PYGO1: variants seen among roughly 807,000 people sequenced by gnomAD.
PYGO1 encodes pygopus homolog 1.
A neutral mutation model predicts 29.5 loss-of-function variants in PYGO1; 6 were observed. That is an observed-to-expected ratio of 0.20 (90% confidence interval 0.11 to 0.40). The LOEUF is 0.40. Among genes scored for constraint, PYGO1 ranks in the 10% least tolerant of loss-of-function variants. The pLI is 1.00. For missense variants in PYGO1, 515 were observed against 514.9 expected (o/e 1.00, Z 0.00); for synonymous variants, 186 against 180.5 (o/e 1.03, Z -0.24).
At position 55,587,906 on chromosome 15, in the gene PYGO1, C is replaced by A; in HGVS notation, c.-23G>T. On this transcript the variant is annotated 5_prime_UTR_variant, in exon 1 of 3. Coordinates refer to ENST00000563719, the MANE Select transcript of PYGO1 (RefSeq NM_001367806.1). ...CATTACAGACCGCAAAGCATGACTC[C>A]CCCCCAGGCCGCGGGAATTCGGTCT... is the stretch of plus-strand genomic sequence containing the variant. 1.4e-6 allele frequency: 2 copies of A among 1,465,250 alleles called. No homozygotes were observed. Among genetic ancestry groups the A allele is most frequent in the Non-Finnish European group, 1.8e-6 (2 of 1,106,968 alleles). 90.8% of individuals were successfully genotyped at this position (1,465,250 alleles called of 1,614,324 possible).
chr15:55,575,732 T>C (rs1641149133), intron 1 of PYGO1, among the ~76,000 whole-genome samples: 1 of 152,212 alleles, frequency 6.6e-6, no homozygotes, highest in Non-Finnish European at 1.5e-5. Context: ...TTCCAACACT[T>C]GCAGAAACAG....
At chr15:55,567,478 A>G (rs1448923412) in intron 1 of PYGO1, among the ~76,000 whole-genome samples, 2 of 151,954 alleles carry the variant, frequency 1.3e-5, no homozygotes, top group East Asian at 1.9e-4. Flanking sequence ...GGCTTGTTCA[A>G]TGGTTTAAAT....
At position 55,542,931 on chromosome 15, in the gene PYGO1, C is replaced by T. The variant is rs11633460; in HGVS notation, c.*3092G>A. On this transcript the variant is annotated 3_prime_UTR_variant, in exon 3 of 3. Transcript: ENST00000563719. Reference sequence around the variant, plus strand: ...GCAACAGAGCAAGACTGGCAAAAAACAAAAACAAAACAAAACAAAACAAAA... The same window carrying T: ...GCAACAGAGCAAGACTGGCAAAAAATAAAAACAAAACAAAACAAAACAAAA... The T allele has an allele frequency of 7.0e-6, 1 of 142,486 alleles. No homozygotes were observed. Among genetic ancestry groups the T allele is most frequent in the Middle Eastern group, 3.4e-3 (1 of 290 alleles). 8.8% of individuals were successfully genotyped at this position (142,486 alleles called of 1,614,324 possible). A position where few individuals can be genotyped will look rare whatever the true frequency, so the allele number is the denominator to read the frequency against.
intron 2 of PYGO1, among the ~76,000 whole-genome samples, chr15:55,547,473 C>A (rs971747413): frequency 5.9e-5 from 9 of 152,118 alleles, no homozygotes; most frequent in African/African-American, 2.2e-4. Context: ...AATATGCTTA[C>A]CTATAACTCT....
At position 55,550,348 on chromosome 15, in the gene PYGO1, T is replaced by C. The variant is rs181245040; in HGVS notation, c.50-1353A>G. Among the ~76,000 whole-genome samples the C allele has an allele frequency of 1.4e-3, 214 of 152,316 alleles. 2 individuals carry two copies. Among genetic ancestry groups the C allele is most frequent in the African/African-American group, 5.1e-3 (212 of 41,572 alleles). On this transcript the variant is annotated intron_variant, in intron 1 of 2. Transcript: ENST00000563719. ...TGCTAGGGTCTTCCAACGGGAGCTC[T>C]AGAGGGATACTTGAAGGCCAGGGGA... is the stretch of plus-strand genomic sequence containing the variant.
At chr15:55,578,768 G>A (rs1595994304) in intron 1 of PYGO1, among the ~76,000 whole-genome samples, 2 of 152,252 alleles carry the variant, frequency 1.3e-5, no homozygotes, top group South Asian at 4.2e-4. Context: ...TACAAGATTT[G>A]CAAACATTTT....
intron 1 of PYGO1, among the ~76,000 whole-genome samples, chr15:55,576,769 G>GAAAAAAAAAAAA (rs1228963396): frequency 1.1e-5 from 1 of 90,958 alleles, no homozygotes; most frequent in Non-Finnish European, 1.9e-5. Context: ...TCAAAAAAAA[G>GAAAAAAAAAAAA]AAGTGGGGGA....
intron 1 of PYGO1, among the ~76,000 whole-genome samples, chr15:55,578,304 T>C (rs980168791): frequency 1.3e-5 from 2 of 152,186 alleles, no homozygotes; most frequent in Non-Finnish European, 2.9e-5. Flanking sequence ...CTTCTATAAA[T>C]ATTCTTGTAC....
chr15:55,574,318 C>T (rs62021870), intron 1 of PYGO1, among the ~76,000 whole-genome samples: 8,284 of 152,260 alleles, frequency 0.054, 279 homozygotes, highest in Middle Eastern at 0.068. Flanking sequence ...GTACAGTAAG[C>T]ACAGTTAATT....
At chr15:55,560,154 A>G (rs1370694021) in intron 1 of PYGO1, among the ~76,000 whole-genome samples, 1 of 152,178 alleles carries the variant, frequency 6.6e-6, no homozygotes, top group African/African-American at 2.4e-5. Context: ...CACCACTCCT[A>G]TTAAATATAG....
At position 55,546,768 on chromosome 15, in the gene PYGO1, G is replaced by A. The variant is rs751360146; in HGVS notation, c.515C>T (p.Pro172Leu). 30 of 1,614,052 alleles carry A rather than the reference G, an allele frequency of 1.9e-5. No individual in the cohort carries two copies. Among genetic ancestry groups the A allele is most frequent in the Non-Finnish European group, 2.5e-5 (30 of 1,179,964 alleles). The change falls in exon 3 of 3, where the codon CCT becomes CTT. Residue 172 changes from proline to leucine, a missense_variant. By Grantham distance (98) the Pro-to-Leu change is moderately conservative (BLOSUM62 -3). Coordinates refer to ENST00000563719, the MANE Select transcript of PYGO1 (RefSeq NM_001367806.1). Reference sequence around the variant, plus strand: ...AGGATTTTGTCTAAAATGTTGATTAGGCATGTTGACATTCTGACTTAGTGC... The same window carrying A: ...AGGATTTTGTCTAAAATGTTGATTAAGCATGTTGACATTCTGACTTAGTGC... ...NNALSQNVNM[P>L]NQHFRQNPAE...
At chr15:55,587,766 C>A in intron 1 of PYGO1, 69 bp downstream of exon 1, 2 of 1,442,998 alleles carry the variant, frequency 1.4e-6, no homozygotes. Flanking sequence ...GGCCTCCCGG[C>A]GGCCGGGCAC....
At chr15:55,583,727 C>A (rs1049129045) in intron 1 of PYGO1, among the ~76,000 whole-genome samples, 1 of 152,090 alleles carries the variant, frequency 6.6e-6, no homozygotes, top group Non-Finnish European at 1.5e-5. Flanking sequence ...AGGCTGGTGT[C>A]AAACTCCTGC....
intron 1 of PYGO1, among the ~76,000 whole-genome samples, chr15:55,572,997 G>T (rs9806640): frequency 6.9e-6 from 1 of 143,996 alleles, no homozygotes; most frequent in Non-Finnish European, 1.5e-5. Context: ...AACACAGTGA[G>T]ACTCTGTCTT....
chr15:55,555,173 C>G (rs1163211167), intron 1 of PYGO1, among the ~76,000 whole-genome samples: 1 of 152,022 alleles, frequency 6.6e-6, no homozygotes, highest in Non-Finnish European at 1.5e-5. Flanking sequence ...CAGCAGAAAC[C>G]CTACATGCCA....
chr15:55,567,040 G>A (rs1325657845), intron 1 of PYGO1, among the ~76,000 whole-genome samples: 1 of 151,256 alleles, frequency 6.6e-6, no homozygotes, highest in African/African-American at 2.4e-5. Flanking sequence ...GCCATTTTTT[G>A]ACTTTTTAAA....
intron 1 of PYGO1, among the ~76,000 whole-genome samples, chr15:55,569,097 T>C (rs993121192): frequency 6.6e-6 from 1 of 152,054 alleles, no homozygotes; most frequent in African/African-American, 2.4e-5. Flanking sequence ...ATTGGGATGA[T>C]GGGACTCATT....
chr15:55,583,714 C>T (rs1243253018), intron 1 of PYGO1, among the ~76,000 whole-genome samples: 1 of 152,086 alleles, frequency 6.6e-6, no homozygotes, highest in African/African-American at 2.4e-5. Context: ...CCATATGTTG[C>T]CCAGGCTGGT....
chr15:55,570,835 T>C (rs2141668266), intron 1 of PYGO1, among the ~76,000 whole-genome samples: 1 of 152,278 alleles, frequency 6.6e-6, no homozygotes, highest in African/African-American at 2.4e-5. Flanking sequence ...CAGGTTTTTT[T>C]CCTAATATTT....
Sources: gnomAD v4.1 joint callset for allele counts (sites outside exome capture counted in the v4.1 genomes callset) on GRCh38, gnomAD v4.1.1 for gene constraint, MANE v1.5 for transcripts, NCBI Gene and HGNC (gene_info 2026-07-23, HGNC 2026-07-21) for gene names.